The following GC variants were observed in gnomAD, a reference collection of about 807,000 sequenced individuals.
GC encodes the protein vitamin D-binding protein.
A neutral mutation model predicts 56.7 loss-of-function variants in GC; 43 were observed. The ratio of observed to expected loss-of-function variants is 0.76; its 90% confidence interval spans 0.59 to 0.98. GC has a LOEUF of 0.98. GC is among the 50% of genes least tolerant of loss of function. The pLI is 0.00. For missense variants in GC, 529 were observed against 545.9 expected (o/e 0.97, Z 0.31); for synonymous variants, 216 against 202.7 (o/e 1.07, Z -0.56).
intron 10 of GC, 107 bp from the exon 11 acceptor site, chr4:71,752,757 A>G: frequency 9.8e-7 from 1 of 1,019,182 alleles, no homozygotes; most frequent in Non-Finnish European, 1.5e-6. Flanking sequence ...AAATGAAAAT[A>G]GAAATACTTG....
intron 10 of GC, 142 bp from the exon 11 acceptor site, chr4:71,752,792 T>C: frequency 1.4e-6 from 1 of 708,608 alleles, no homozygotes; most frequent in Non-Finnish European, 2.4e-6. Flanking sequence ...ATTCTATACC[T>C]GTGGTATAGA....
chr4:71,805,151 T>C (rs1031921828), upstream of GC, among the ~76,000 whole-genome samples: 8 of 152,104 alleles, frequency 5.3e-5, no homozygotes, highest in Non-Finnish European at 8.8e-5. Context: ...AAACAACAGT[T>C]TGCATTAGGT....
At chr4:71,756,135 CT>C (rs1741762275) in intron 8 of GC, among the ~76,000 whole-genome samples, 1 of 152,028 alleles carries the variant, frequency 6.6e-6, no homozygotes, top group South Asian at 2.1e-4. Context: ...CTTGGTATCT[CT>C]TTTATTTGTA....
At chr4:71,780,790 C>G (rs1262439758) in intron 1 of GC, among the ~76,000 whole-genome samples, 2 of 152,082 alleles carry the variant, frequency 1.3e-5, no homozygotes, top group African/African-American at 2.4e-5. Context: ...GTTGGTGGGA[C>G]TGTAAACTAG....
At chr4:71,744,712 T>TA (rs767548008) in intron 12 of GC, among the ~76,000 whole-genome samples, 1 of 152,182 alleles carries the variant, frequency 6.6e-6, no homozygotes, top group African/African-American at 2.4e-5. Flanking sequence ...GACTCTTAAT[T>TA]AAAGCTTAAG....
chr4:71,760,423 T>C (rs375082905), intron 6 of GC, among the ~76,000 whole-genome samples: 28 of 152,064 alleles, frequency 1.8e-4, no homozygotes, highest in South Asian at 1.2e-3. Context: ...TGATTATCAT[T>C]AGAGGAAAAA....
intron 1 of GC, among the ~76,000 whole-genome samples, chr4:71,795,592 G>A (rs1177853191): frequency 3.9e-5 from 6 of 152,122 alleles, no homozygotes; most frequent in African/African-American, 1.2e-4. Flanking sequence ...CACACTGATG[G>A]GTCTTGACTC....
At chr4:71,776,468 A>G (rs879581937) in intron 1 of GC, among the ~76,000 whole-genome samples, 1 of 151,910 alleles carries the variant, frequency 6.6e-6, no homozygotes, top group Non-Finnish European at 1.5e-5. Context: ...CTCACAGAAG[A>G]GTAAAATGAT....
intron 1 of GC, among the ~76,000 whole-genome samples, chr4:71,791,281 T>G (rs1742962027): frequency 6.6e-6 from 1 of 152,094 alleles, no homozygotes. Flanking sequence ...CTTAAAAGTT[T>G]TTTTGCACTA....
intron 10 of GC, among the ~76,000 whole-genome samples, chr4:71,753,268 G>C (rs17830803): frequency 0.064 from 9,805 of 152,100 alleles, 349 homozygotes; most frequent in African/African-American, 0.083. Flanking sequence ...ACTCAGCCTG[G>C]TTTTATGACT....
chr4:71,789,795 C>A (rs1742926793), intron 1 of GC, among the ~76,000 whole-genome samples: 1 of 151,810 alleles, frequency 6.6e-6, no homozygotes, highest in African/African-American at 2.4e-5. Context: ...CACAAAGGTC[C>A]TTTATGTGTA....
chr4:71,752,445 G>T, intron 11 of GC, 73 bp downstream of exon 11: 1 of 1,223,662 alleles, frequency 8.2e-7, no homozygotes, highest in Non-Finnish European at 1.2e-6. Context: ...TAACAGGAAA[G>T]AAATGAGTAG....
At chr4:71,762,294 C>A (rs1042445750) in intron 6 of GC, among the ~76,000 whole-genome samples, 1 of 152,116 alleles carries the variant, frequency 6.6e-6, no homozygotes, top group East Asian at 1.9e-4. Context: ...GGCCTGTAGC[C>A]CCTTTGTTTT....
intron 1 of GC, among the ~76,000 whole-genome samples, chr4:71,773,897 A>G (rs1485347314): frequency 6.6e-6 from 1 of 152,000 alleles, no homozygotes; most frequent in Non-Finnish European, 1.5e-5. Flanking sequence ...AGCTCAGTAT[A>G]TTTGTTAGTA....
chr4:71,783,719 C>T (rs986076832), intron 1 of GC, among the ~76,000 whole-genome samples: 1 of 151,636 alleles, frequency 6.6e-6, no homozygotes, highest in African/African-American at 2.4e-5. Flanking sequence ...AGATAATTGA[C>T]AAATTATATC....
intron 1 of GC, among the ~76,000 whole-genome samples, chr4:71,778,868 C>T (rs1196763348): frequency 7.1e-6 from 1 of 141,454 alleles, no homozygotes. Flanking sequence ...ATTGTATCCT[C>T]AGGAAACAGA....
chr4:71,760,802 GCT>G (rs1482031717), intron 6 of GC, among the ~76,000 whole-genome samples: 3 of 152,084 alleles, frequency 2.0e-5, no homozygotes, highest in Non-Finnish European at 2.9e-5. Context: ...CTCTGCACAA[GCT>G]CTCTCTTTGC....
At chr4:71,802,990 T>TA (rs147531599) in intron 1 of GC, among the ~76,000 whole-genome samples, 112,028 of 151,992 alleles carry the variant, frequency 0.74, 42,585 homozygotes, top group South Asian at 0.86. Flanking sequence ...CAAACCATTA[T>TA]ATAATAAGTC....
At chr4:71,767,408 G>A (rs1742190925) in intron 3 of GC, among the ~76,000 whole-genome samples, 1 of 151,946 alleles carries the variant, frequency 6.6e-6, no homozygotes, top group Non-Finnish European at 1.5e-5. Flanking sequence ...TTGCATAAGT[G>A]CTATAGGGGA....
Sources: allele counts gnomAD v4.1 joint callset (sites outside exome capture counted in the v4.1 genomes callset), GRCh38; gene constraint gnomAD v4.1.1; transcripts MANE v1.5; gene names NCBI Gene and HGNC (gene_info 2026-07-23, HGNC 2026-07-21).